Variants in TMEM178B observed in about 807,000 individuals in gnomAD.
TMEM178B encodes the protein transmembrane protein 178B.
In TMEM178B, 5 loss-of-function variants were observed where a neutral mutation model predicts 31.0. The ratio of observed to expected loss-of-function variants is 0.16; its 90% CI spans 0.08 to 0.34. The LOEUF (loss-of-function observed/expected upper bound fraction) is 0.34, where lower values mean the gene tolerates loss of function less well. Among genes scored for constraint, TMEM178B ranks in the 10% least tolerant of loss-of-function variants. The pLI is 1.00. For synonymous variants in TMEM178B, 164 were observed against 164.0 expected, an observed-to-expected ratio of 1.00 and a Z score of 0.00; for missense variants, 275 against 400.3, an observed-to-expected ratio of 0.69 and a Z score of 2.67.
intron 1 of TMEM178B, among the ~76,000 whole-genome samples, chr7:141,146,852 G>C (rs2129179952): frequency 6.6e-6 from 1 of 152,274 alleles, no homozygotes; most frequent in African/African-American, 2.4e-5. Context: ...ATGGAGGTTT[G>C]TATCTTCAGG....
In TMEM178B at chr7:141,113,789, T is replaced by C. The variant is rs191042018; in HGVS notation, c.382+39097T>C. On this transcript the variant is annotated intron_variant, in intron 1 of 3. Coordinates refer to ENST00000565468, the MANE Select transcript of TMEM178B (RefSeq NM_001195278.2). ...ATCACAGGGACTCAGTGAATGTCTG[T>C]AGAATTGAGTTGAGGACAACATTTT... Among the ~76,000 whole-genome samples the C allele has an allele frequency of 1.2e-4, 18 of 152,288 alleles. No individual in the cohort carries two copies. In the East Asian group the frequency reaches 3.3e-3, roughly 28 times the overall value.
At chr7:141,126,873 G>T in intron 1 of TMEM178B, among the ~76,000 whole-genome samples, 1 of 151,902 alleles carries the variant, frequency 6.6e-6, no homozygotes, top group Admixed American at 6.6e-5. Flanking sequence ...GTGTGTGTGT[G>T]TGTGTGTGTG....
At chr7:141,142,467 G>C (rs998931509) in intron 1 of TMEM178B, among the ~76,000 whole-genome samples, 1 of 151,054 alleles carries the variant, frequency 6.6e-6, no homozygotes, top group African/African-American at 2.4e-5. Context: ...GAGTGCAGTG[G>C]TGCATTCTCT....
intron 2 of TMEM178B, among the ~76,000 whole-genome samples, chr7:141,424,790 TG>T (rs1036558693): frequency 6.6e-6 from 1 of 152,252 alleles, no homozygotes; most frequent in African/African-American, 2.4e-5. Context: ...AATGTAGGCT[TG>T]TGCATTATTC....
At chr7:141,289,737 AAG>A (rs1404394077) in intron 2 of TMEM178B, among the ~76,000 whole-genome samples, 1 of 151,708 alleles carries the variant, frequency 6.6e-6, no homozygotes, top group East Asian at 1.9e-4. Context: ...AAAAAGAAAA[AAG>A]AAAAAGAAAG....
chr7:141,216,456 C>T (rs879260219), intron 2 of TMEM178B, among the ~76,000 whole-genome samples: 22,405 of 54,196 alleles, frequency 0.41, 2,856 homozygotes, highest in Middle Eastern at 0.59. Flanking sequence ...TGTGCGCGCG[C>T]GCGCGCGTGT....
chr7:141,352,152 G>A (rs909727824), intron 2 of TMEM178B: 2 of 152,580 alleles, frequency 1.3e-5, no homozygotes, highest in African/African-American at 4.8e-5. Flanking sequence ...ACCACTGGGA[G>A]TATCGCCACA....
chr7:141,088,862 G>A (rs1158827217), intron 1 of TMEM178B, among the ~76,000 whole-genome samples: 2 of 152,198 alleles, frequency 1.3e-5, no homozygotes, highest in African/African-American at 2.4e-5. Flanking sequence ...TTTATTATAT[G>A]CATTATAAAA....
intron 1 of TMEM178B, among the ~76,000 whole-genome samples, chr7:141,116,193 G>A (rs1366740953): frequency 2.0e-5 from 3 of 152,110 alleles, no homozygotes; most frequent in Non-Finnish European, 4.4e-5. Flanking sequence ...CTATCGAGGT[G>A]CCTCTGTTCT....
the TMEM178B span, among the ~76,000 whole-genome samples, chr7:141,493,030 C>T: frequency 2.0e-5 from 3 of 152,254 alleles, no homozygotes; most frequent in South Asian, 2.1e-4. Context: ...TGCCAAGTAA[C>T]GGTTCTGCCT....
intron 2 of TMEM178B, among the ~76,000 whole-genome samples, chr7:141,301,910 A>G (rs1480771208): frequency 6.6e-6 from 1 of 152,190 alleles, no homozygotes; most frequent in Non-Finnish European, 1.5e-5. Context: ...CGAGGCTGTG[A>G]TGACAGCATC....
chr7:141,155,141 G>A (rs540821387), intron 1 of TMEM178B, among the ~76,000 whole-genome samples: 82 of 152,222 alleles, frequency 5.4e-4, no homozygotes, highest in African/African-American at 1.9e-3. Flanking sequence ...AGTGTTAGGC[G>A]GGTCCAGGGC....
At chr7:141,159,509 A>G (rs1203746613) in intron 1 of TMEM178B, among the ~76,000 whole-genome samples, 10 of 152,200 alleles carry the variant, frequency 6.6e-5, no homozygotes, top group East Asian at 3.8e-4. Context: ...CCATGTTCAT[A>G]AATGCATTAT....
At chr7:141,248,665 T>C (rs1161895537) in intron 2 of TMEM178B, among the ~76,000 whole-genome samples, 1 of 152,122 alleles carries the variant, frequency 6.6e-6, no homozygotes, top group Non-Finnish European at 1.5e-5. Flanking sequence ...ACAGTAAATA[T>C]AAGGTATAAA....
chr7:141,463,246 C>T (rs1422164496), intron 3 of TMEM178B, among the ~76,000 whole-genome samples: 1 of 152,158 alleles, frequency 6.6e-6, no homozygotes, highest in African/African-American at 2.4e-5. Flanking sequence ...GCCTGGAGGA[C>T]TGGGTTGAGT....
intron 1 of TMEM178B, among the ~76,000 whole-genome samples, chr7:141,182,776 G>T (rs984706361): frequency 6.6e-6 from 1 of 152,172 alleles, no homozygotes; most frequent in Non-Finnish European, 1.5e-5. Context: ...TGATGGTTTT[G>T]TAAATGGGAG....
chr7:141,085,917 G>C (rs1794778114), intron 1 of TMEM178B, among the ~76,000 whole-genome samples: 1 of 152,018 alleles, frequency 6.6e-6, no homozygotes, highest in South Asian at 2.1e-4. Context: ...TGGCACCACT[G>C]TTTGTGACGG....
At chr7:141,266,134 A>C (rs1798091537) in intron 2 of TMEM178B, among the ~76,000 whole-genome samples, 1 of 152,182 alleles carries the variant, frequency 6.6e-6, no homozygotes, top group East Asian at 1.9e-4. Flanking sequence ...TCTCTTAAAT[A>C]CCCTCTTAAA....
rs188141250 is a variant in TMEM178B at position 141,285,673 on chromosome 7, A to G, written c.496+72969A>G. Among the ~76,000 whole-genome samples, 28 of 152,328 alleles carry G rather than the reference A, an allele frequency of 1.8e-4. 1 individual carries two copies. Among genetic ancestry groups the G allele is most frequent in the Admixed American group, 1.7e-3 (26 of 15,302 alleles). ...TGTTTATTGCAGCACTATTCACAATAGCAAAGAGTTGGAACAACCCAAAAG... is the reference window on the plus strand; with the variant it reads ...TGTTTATTGCAGCACTATTCACAATGGCAAAGAGTTGGAACAACCCAAAAG... On this transcript the variant is annotated intron_variant, in intron 2 of 3. Coordinates refer to ENST00000565468, the MANE Select transcript of TMEM178B (RefSeq NM_001195278.2).
Sources: gnomAD v4.1 joint callset for allele counts (sites outside exome capture counted in the v4.1 genomes callset) on GRCh38, gnomAD v4.1.1 for gene constraint, MANE v1.5 for transcripts, NCBI Gene and HGNC (gene_info 2026-07-23, HGNC 2026-07-21) for gene names.